Variants in ARHGAP26 observed in about 807,000 individuals in gnomAD.
ARHGAP26 encodes rho GTPase-activating protein 26.
Under a neutral mutation model 104.8 loss-of-function variants are expected in ARHGAP26, and 38 were observed. That is an observed-to-expected ratio of 0.36 (90% confidence interval 0.28 to 0.48). The LOEUF (loss-of-function observed/expected upper bound fraction) is 0.48. ARHGAP26 is among the 20% of genes least tolerant of loss of function. The probability of loss-of-function intolerance (pLI) is 0.99; values close to 1 mark genes in which losing one functional copy is unlikely to be tolerated. For synonymous variants in ARHGAP26, 341 were observed against 340.0 expected (o/e 1.00, Z -0.03); for missense variants, 704 against 947.9 (o/e 0.74, Z 3.38).
chr5:142,975,011 C>T (rs1772854761), intron 11 of ARHGAP26, among the ~76,000 whole-genome samples: 1 of 152,200 alleles, frequency 6.6e-6, no homozygotes, highest in African/African-American at 2.4e-5. Context: ...CCTCCCTCTT[C>T]CCAGAAGTCT....
At chr5:142,869,063 G>T (rs1754825811) in intron 1 of ARHGAP26, 1 of 156,040 alleles carries the variant, frequency 6.4e-6, no homozygotes, top group Non-Finnish European at 1.4e-5. Context: ...GTCCAGGAAA[G>T]GAAGAGATTA....
intron 4 of ARHGAP26, among the ~76,000 whole-genome samples, chr5:142,882,486 C>T (rs953050453): frequency 3.3e-5 from 5 of 152,196 alleles, no homozygotes; most frequent in African/African-American, 7.2e-5. Flanking sequence ...ACAAGGCAGG[C>T]GTGGTTGCTG....
chr5:142,809,917 C>T (rs181891585), intron 1 of ARHGAP26, among the ~76,000 whole-genome samples: 32 of 152,362 alleles, frequency 2.1e-4, no homozygotes, highest in Admixed American at 2.0e-3. Flanking sequence ...ATGGATCTTA[C>T]ATTGGACTGG....
intron 1 of ARHGAP26, among the ~76,000 whole-genome samples, chr5:142,835,977 A>G (rs904384617): frequency 6.6e-6 from 1 of 152,238 alleles, no homozygotes; most frequent in Non-Finnish European, 1.5e-5. Context: ...AGCAATTCAC[A>G]GAGTTAGTAA....
chr5:142,964,419 T>C (rs982757712), intron 11 of ARHGAP26, among the ~76,000 whole-genome samples: 2 of 152,184 alleles, frequency 1.3e-5, no homozygotes, highest in African/African-American at 2.4e-5. Context: ...TATATCAGTA[T>C]CACTTGCTGA....
chr5:142,810,830 A>G lies in ARHGAP26; in HGVS notation c.154+39915A>G, dbSNP rs368529816. Among the ~76,000 whole-genome samples the G allele has an allele frequency of 5.2e-5, 8 of 152,386 alleles. No individual in the cohort carries two copies. The East Asian group carries it at 1.3e-3, about 26-fold the overall frequency. On this transcript the variant is annotated intron_variant, in intron 1 of 22. Coordinates refer to ENST00000645722, the MANE Select transcript of ARHGAP26 (RefSeq NM_001135608.3). ...AATTCGCCCAAAATAGTAAGTAACC[A>G]TAAGCGTTGATATGTAAACTCTAGT...
In ARHGAP26 at chr5:143,036,205, T is replaced by C. The variant is rs1044472147; in HGVS notation, c.1145-991T>C. 7.2e-5 allele frequency among the ~76,000 whole-genome samples: 11 copies of C among 152,328 alleles called. No individual in the cohort carries two copies. In the South Asian group the frequency reaches 8.3e-4, roughly 11 times the overall value. On this transcript the variant is annotated intron_variant, in intron 12 of 22. Transcript: ENST00000645722. ...GCTTTTCTACTTTCTGCCATTTTCT[T>C]TTCCACTCTGACCATTAAGTGGTAG...
chr5:142,792,773 C>T (rs926326516), intron 1 of ARHGAP26, among the ~76,000 whole-genome samples: 2 of 152,166 alleles, frequency 1.3e-5, no homozygotes, highest in African/African-American at 4.8e-5. Flanking sequence ...GGACCTGAAA[C>T]GTAAGCTGGC....
In ARHGAP26 at chr5:143,227,449, A is replaced by G. The variant is rs889019149; in HGVS notation, c.*5003A>G. 2 of 231,216 alleles carry G rather than the reference A, an allele frequency of 8.6e-6. No individual in the cohort carries two copies. Among genetic ancestry groups the G allele is most frequent in the East Asian group, 6.1e-5 (1 of 16,368 alleles). 14.3% of individuals were successfully genotyped at this position (231,216 alleles called of 1,614,324 possible). ...TGGTGTCTAACAAATTTATCTTGTC[A>G]TGCTCAAATGTGTTTGGCAGCCACA... On this transcript the variant is annotated 3_prime_UTR_variant, in exon 23 of 23. Coordinates refer to ENST00000645722, the MANE Select transcript of ARHGAP26 (RefSeq NM_001135608.3).
At chr5:142,800,163 T>A (rs1021422292) in intron 1 of ARHGAP26, among the ~76,000 whole-genome samples, 2 of 152,220 alleles carry the variant, frequency 1.3e-5, no homozygotes, top group Admixed American at 6.5e-5. Context: ...ACTAAGTTTC[T>A]AATGATGAAT....
chr5:143,186,847 C>G (rs935895807), intron 20 of ARHGAP26, among the ~76,000 whole-genome samples: 8 of 152,158 alleles, frequency 5.3e-5, no homozygotes, highest in Admixed American at 5.2e-4. Context: ...AGATGTAGTA[C>G]TTTTTCTCTC....
intron 17 of ARHGAP26, among the ~76,000 whole-genome samples, chr5:143,074,686 A>G (rs1462481835): frequency 6.6e-6 from 1 of 152,172 alleles, no homozygotes; most frequent in Non-Finnish European, 1.5e-5. Flanking sequence ...ATGGCCTGTA[A>G]AAGCTAAATA....
intron 1 of ARHGAP26, among the ~76,000 whole-genome samples, chr5:142,818,620 G>A (rs1597760216): frequency 6.6e-6 from 1 of 152,242 alleles, no homozygotes; most frequent in African/African-American, 2.4e-5. Context: ...TAATATTTCT[G>A]AGTCTTCATT....
chr5:143,224,312 G>A lies in ARHGAP26; in HGVS notation c.*1866G>A. On this transcript the variant is annotated 3_prime_UTR_variant, in exon 23 of 23. Coordinates refer to ENST00000645722, the MANE Select transcript of ARHGAP26 (RefSeq NM_001135608.3). Reference sequence around the variant, plus strand: ...CCGCTTCGGCCTGAAGGAAAGAGAAGACATTTCTATGGCCTTGCTCTCTGC... The same window carrying A: ...CCGCTTCGGCCTGAAGGAAAGAGAAAACATTTCTATGGCCTTGCTCTCTGC... 1 of 231,928 alleles carries A rather than the reference G, an allele frequency of 4.3e-6. No homozygotes were observed. The highest frequency in any genetic ancestry group is 8.6e-6 in the Non-Finnish European group (1 of 116,918). 14.4% of individuals were successfully genotyped at this position (231,928 alleles called of 1,614,324 possible).
At chr5:143,212,726 G>A (rs1809681384) in intron 21 of ARHGAP26, among the ~76,000 whole-genome samples, 1 of 152,246 alleles carries the variant, frequency 6.6e-6, no homozygotes, top group South Asian at 2.1e-4. Context: ...TGGAGACCAT[G>A]TGGCTCACAA....
chr5:143,178,698 C>T (rs1365362517), intron 20 of ARHGAP26, among the ~76,000 whole-genome samples: 1 of 152,210 alleles, frequency 6.6e-6, no homozygotes, highest in Non-Finnish European at 1.5e-5. Context: ...CTGAGAGCTT[C>T]ACATTTCCTC....
At chr5:143,143,262 G>T (rs1349766844) in intron 19 of ARHGAP26, among the ~76,000 whole-genome samples, 1 of 152,146 alleles carries the variant, frequency 6.6e-6, no homozygotes, top group Non-Finnish European at 1.5e-5. Context: ...ATTTGGCTTG[G>T]CTCTGTGAGT....
chr5:142,831,113 T>G (rs1768333497), intron 1 of ARHGAP26, among the ~76,000 whole-genome samples: 2 of 152,176 alleles, frequency 1.3e-5, no homozygotes, highest in African/African-American at 4.8e-5. Flanking sequence ...AGCCTGTTAG[T>G]GTCTGTTTCT....
At chr5:142,964,459 G>A (rs1770918705) in intron 11 of ARHGAP26, among the ~76,000 whole-genome samples, 2 of 151,824 alleles carry the variant, frequency 1.3e-5, no homozygotes, top group South Asian at 4.2e-4. Flanking sequence ...AAGTTAAATG[G>A]CAACAAAACT....
Sources: allele counts gnomAD v4.1 joint callset (sites outside exome capture counted in the v4.1 genomes callset), GRCh38; gene constraint gnomAD v4.1.1; transcripts MANE v1.5; gene names NCBI Gene and HGNC (gene_info 2026-07-23, HGNC 2026-07-21).